Variants in DTNA observed in about 807,000 individuals in gnomAD.
DTNA encodes dystrophin-related protein 3.
DTNA carries 43 observed loss-of-function variants against 100.7 expected under a neutral mutation model. The ratio of observed to expected loss-of-function variants is 0.43; its 90% confidence interval spans 0.33 to 0.55. The LOEUF is 0.55. Among genes scored for constraint, DTNA ranks in the 20% least tolerant of loss-of-function variants. DTNA has a pLI of 0.04. For missense variants in DTNA, 798 were observed against 953.9 expected (o/e 0.84, Z 2.15); for synonymous variants, 349 against 347.9 (o/e 1.00, Z -0.04).
At chr18:34,841,291 G>T (rs191523326) in intron 13 of DTNA, among the ~76,000 whole-genome samples, 131 of 152,242 alleles carry the variant, frequency 8.6e-4, no homozygotes, top group African/African-American at 2.9e-3. Context: ...AGGATCTTTT[G>T]TGGATGCCTC....
chr18:34,563,850 C>T (rs1398861809), intron 1 of DTNA, among the ~76,000 whole-genome samples: 1 of 152,144 alleles, frequency 6.6e-6, no homozygotes, highest in Non-Finnish European at 1.5e-5. Flanking sequence ...GGTTATGTTT[C>T]TGCAAGAACC....
At chr18:34,663,809 C>A (rs2075531438) in intron 1 of DTNA, among the ~76,000 whole-genome samples, 1 of 152,140 alleles carries the variant, frequency 6.6e-6, no homozygotes, top group African/African-American at 2.4e-5. Flanking sequence ...CTTCTCAATA[C>A]CTTTCTTGAT....
chr18:34,636,289 A>G (rs975350366), intron 1 of DTNA, among the ~76,000 whole-genome samples: 1 of 151,992 alleles, frequency 6.6e-6, no homozygotes, highest in Non-Finnish European at 1.5e-5. Flanking sequence ...TAATTTTTGT[A>G]TTTTTAGTAG....
At chr18:34,582,304 G>A (rs2048726595) in intron 1 of DTNA, among the ~76,000 whole-genome samples, 1 of 152,182 alleles carries the variant, frequency 6.6e-6, no homozygotes, top group Admixed American at 6.5e-5. Context: ...TTTAAGGTGT[G>A]TATACTAGAG....
rs2096878879 is a variant in DTNA, at chr18:34,882,090, C to T, written c.2184C>T (p.Pro728=). The T allele has an allele frequency of 6.2e-7, 1 of 1,614,038 alleles. No homozygotes were observed. Among genetic ancestry groups the T allele is most frequent in the Non-Finnish European group, 8.5e-7 (1 of 1,179,964 alleles). Residue 728 remains proline, a synonymous_variant, in exon 21 of 23, where the codon CCC becomes CCT. Coordinates refer to ENST00000444659, the MANE Select transcript of DTNA (RefSeq NM_001386795.1). ...TCAGGGTTACGGAGGATGCAGATCC[C>T]TATGTGCAGCCTGAAGATGAAAACT... ...RGDMVTEDAD[P]YVQPEDENYE...
chr18:34,888,538 C>T lies in DTNA; in HGVS notation c.*804C>T. ...GAATTTAGTGTAAATATTTTTTTTT[C>T]CAAATAGATATCATATTCAAAAAAG... On this transcript the variant is annotated 3_prime_UTR_variant, in exon 23 of 23. Transcript: ENST00000444659. The T allele has an allele frequency of 1.0e-6, 1 of 984,596 alleles. No individual in the cohort carries two copies. The highest frequency in any genetic ancestry group is 1.2e-6 in the Non-Finnish European group (1 of 829,362). The allele number at this position is 984,596 out of a possible 1,614,324, so 61.0% of individuals were successfully genotyped here.
intron 1 of DTNA, among the ~76,000 whole-genome samples, chr18:34,711,888 A>T (rs145090846): frequency 2.2e-3 from 335 of 152,310 alleles, no homozygotes; most frequent in African/African-American, 7.9e-3. Context: ...CTAATATTGT[A>T]AATGTTCATG....
rs141257715 is a variant in DTNA, at chr18:34,618,230, G to C, written c.-2+124716G>C. Among the ~76,000 whole-genome samples, 764 of 152,196 alleles carry C rather than the reference G, an allele frequency of 5.0e-3. 6 individuals carry two copies. Among genetic ancestry groups the C allele is most frequent in the African/African-American group, 0.017 (714 of 41,526 alleles). ...ATCTTTTTACCTTTAAAATATTCAT[G>C]TCAACCATTTTTGACATATATGATA... On this transcript the variant is annotated intron_variant, in intron 1 of 19. Transcript: ENST00000283365.
intron 1 of DTNA, among the ~76,000 whole-genome samples, chr18:34,569,175 A>G (rs913840575): frequency 1.3e-5 from 2 of 152,106 alleles, no homozygotes; most frequent in African/African-American, 4.8e-5. Flanking sequence ...GAATGTACAC[A>G]CCCAGACATT....
intron 1 of DTNA, among the ~76,000 whole-genome samples, chr18:34,510,420 G>A (rs2040944952): frequency 6.6e-6 from 1 of 151,820 alleles, no homozygotes; most frequent in Non-Finnish European, 1.5e-5. Context: ...TTCCTTGCGT[G>A]TGCTTCTCGA....
At chr18:34,821,036 A>G in intron 9 of DTNA, 121 bp downstream of exon 9, 1 of 1,446,502 alleles carries the variant, frequency 6.9e-7, no homozygotes, top group Non-Finnish European at 9.5e-7. Context: ...AGTTTAAAAA[A>G]AAAAGTCAGA....
At chr18:34,577,983 A>G (rs2048276311) in intron 1 of DTNA, among the ~76,000 whole-genome samples, 2 of 149,112 alleles carry the variant, frequency 1.3e-5, no homozygotes, top group South Asian at 2.1e-4. Context: ...GTAGATACCC[A>G]GTAGTGGGAT....
At chr18:34,782,443 T>C (rs1426962703) in intron 3 of DTNA, among the ~76,000 whole-genome samples, 2 of 152,160 alleles carry the variant, frequency 1.3e-5, no homozygotes, top group Non-Finnish European at 2.9e-5. Context: ...GGAAAAAACT[T>C]GTTTATTAAT....
intron 1 of DTNA, among the ~76,000 whole-genome samples, chr18:34,591,689 A>G (rs1165572538): frequency 5.3e-5 from 8 of 152,238 alleles, no homozygotes; most frequent in Admixed American, 2.6e-4. Context: ...ATGCCCGTCT[A>G]TCAGCATTAC....
Position 34,882,069 on chromosome 18 carries a change from G to A in DTNA, c.2163G>A (p.Met721Ile). The A allele has an allele frequency of 1.2e-6, 2 of 1,613,996 alleles. No homozygotes were observed. The highest frequency in any genetic ancestry group is 1.7e-6 in the Non-Finnish European group (2 of 1,179,954). ...GATTSTMRGD[M>I]VTEDADPYVQ... ...CATGTCATCTGTGGTTTATTTTCAGGGTTACGGAGGATGCAGATCCCTATG... is the reference window on the plus strand; with the variant it reads ...CATGTCATCTGTGGTTTATTTTCAGAGTTACGGAGGATGCAGATCCCTATG... Residue 721 changes from methionine (M) to isoleucine (I), a missense_variant and splice_region_variant, in exon 21 of 23, where the codon ATG (methionine) becomes ATA (isoleucine). This residue lies in a region of DTNA where 242 missense variants were observed against 238.2 expected (regional missense o/e 1.02). Coordinates refer to ENST00000444659, the MANE Select transcript of DTNA (RefSeq NM_001386795.1).
chr18:34,616,814 G>A (rs1457544776), intron 1 of DTNA, among the ~76,000 whole-genome samples: 1 of 152,056 alleles, frequency 6.6e-6, no homozygotes, highest in African/African-American at 2.4e-5. Flanking sequence ...GCAGTGTTTT[G>A]TAATTCTTAT....
chr18:34,620,528 G>A lies in DTNA; in HGVS notation c.-2+127014G>A, dbSNP rs765193172. 7.2e-5 allele frequency among the ~76,000 whole-genome samples: 11 copies of A among 152,300 alleles called. 1 individual carries two copies. In the South Asian group the frequency reaches 1.0e-3, roughly 14 times the overall value. ...AAATAAATACCTGAGATTGGGTAAT[G>A]TATAAAGGAAATATCTTTAATTGGC... On this transcript the variant is annotated intron_variant, in intron 1 of 19. Coordinates refer to the DTNA transcript ENST00000283365.
At chr18:34,844,490 A>G (rs904106547) in intron 13 of DTNA, among the ~76,000 whole-genome samples, 1 of 152,068 alleles carries the variant, frequency 6.6e-6, no homozygotes, top group Non-Finnish European at 1.5e-5. Context: ...TTCCCTTAGC[A>G]TTTTGCTCTA....
chr18:34,658,085 T>C (rs953407664), intron 1 of DTNA, among the ~76,000 whole-genome samples: 4 of 152,158 alleles, frequency 2.6e-5, no homozygotes, highest in African/African-American at 7.2e-5. Flanking sequence ...TAAGTAGATA[T>C]TGGCTAAGAA....
Sources: gnomAD v4.1 joint callset for allele counts (sites outside exome capture counted in the v4.1 genomes callset) on GRCh38, gnomAD v4.1.1 for gene constraint, gnomAD v4.1.1 regional missense constraint, MANE v1.5 for transcripts, NCBI Gene and HGNC (gene_info 2026-07-23, HGNC 2026-07-21) for gene names.